Variants in ORC5 observed in about 807,000 individuals in gnomAD.
The protein encoded by ORC5 is origin recognition complex subunit 5.
ORC5 carries 39 observed loss-of-function variants against 58.8 expected under a neutral mutation model. The ratio of observed to expected loss-of-function variants is 0.66; its 90% CI spans 0.51 to 0.87. The LOEUF (loss-of-function observed/expected upper bound fraction) is 0.87. Among genes scored for constraint, ORC5 ranks in the 40% least tolerant of loss-of-function variants. ORC5 has a pLI of 0.00. For synonymous variants in ORC5, 218 were observed against 177.6 expected, an observed-to-expected ratio of 1.23 and a Z score of -1.81; for missense variants, 493 against 506.3, an observed-to-expected ratio of 0.97 and a Z score of 0.25.
At chr7:104,200,080 G>A (rs915284552) in intron 3 of ORC5, among the ~76,000 whole-genome samples, 2 of 149,472 alleles carry the variant, frequency 1.3e-5, no homozygotes, top group Middle Eastern at 3.5e-3. Context: ...GGCCTCCCCA[G>A]CCACGCTGAA....
chr7:104,151,782 A>C (rs1443951933), intron 12 of ORC5, among the ~76,000 whole-genome samples: 1 of 152,216 alleles, frequency 6.6e-6, no homozygotes, highest in Non-Finnish European at 1.5e-5. Flanking sequence ...TACACAGAGC[A>C]CTAGCGCCAA....
chr7:104,189,115 C>T (rs1377656226), intron 5 of ORC5, among the ~76,000 whole-genome samples: 2 of 152,002 alleles, frequency 1.3e-5, no homozygotes, highest in Non-Finnish European at 2.9e-5. Context: ...AGGATGGGGA[C>T]TGGTTGTCAG....
intron 12 of ORC5, among the ~76,000 whole-genome samples, chr7:104,150,566 G>C (rs551755708): frequency 3.5e-4 from 53 of 151,920 alleles, no homozygotes; most frequent in African/African-American, 1.2e-3. Flanking sequence ...AAAGGAGAGT[G>C]GTTTGCTAGT....
chr7:104,149,453 CAAAT>C (rs1439411219), intron 12 of ORC5, among the ~76,000 whole-genome samples: 1 of 152,050 alleles, frequency 6.6e-6, no homozygotes, highest in East Asian at 1.9e-4. Flanking sequence ...GAATAAAACT[CAAAT>C]GAATAAAAAA....
intron 12 of ORC5, among the ~76,000 whole-genome samples, chr7:104,156,669 A>G (rs1004524414): frequency 6.6e-6 from 1 of 151,848 alleles, no homozygotes; most frequent in Non-Finnish European, 1.5e-5. Flanking sequence ...ATCACTATAA[A>G]ATAAATTCTT....
In ORC5 at chr7:104,167,703, G is replaced by C. The variant is rs554590201; in HGVS notation, c.877+770C>G. Among the ~76,000 whole-genome samples, 24 of 152,264 alleles carry C rather than the reference G, an allele frequency of 1.6e-4. No homozygotes were observed. In the South Asian group the frequency reaches 2.3e-3, roughly 14 times the overall value. ...ACACTGTGTTAGGTGCTTTACTTAA[G>C]CATCACTTTGAATCTTTGCAGTAAT... On this transcript the variant is annotated intron_variant, in intron 9 of 13. Coordinates refer to ENST00000297431, the MANE Select transcript of ORC5 (RefSeq NM_002553.4).
Position 104,181,839 on chromosome 7 carries a change from G to A in ORC5, c.824+2104C>T, listed in dbSNP as rs140241094. On this transcript the variant is annotated intron_variant, in intron 8 of 13. Coordinates refer to ENST00000297431, the MANE Select transcript of ORC5 (RefSeq NM_002553.4). ...TGTGCACAGAATTGCCTGGTTTCAA[G>A]GATTCTCAGCCTTACAGTGAGTGAG... Among the ~76,000 whole-genome samples the A allele has an allele frequency of 4.5e-3, 686 of 151,306 alleles. 4 individuals are homozygous for A. The highest frequency in any genetic ancestry group is 0.016 in the African/African-American group (646 of 41,290).
At chr7:104,169,357 A>T (rs1799168470) in intron 8 of ORC5, among the ~76,000 whole-genome samples, 1 of 152,186 alleles carries the variant, frequency 6.6e-6, no homozygotes. Context: ...ACTTATTTGC[A>T]ATTAAAACTG....
chr7:104,155,863 G>A (rs776503366), intron 12 of ORC5, among the ~76,000 whole-genome samples: 4 of 151,048 alleles, frequency 2.6e-5, no homozygotes, highest in South Asian at 2.1e-4. Context: ...CAGATAATTC[G>A]GAAATTCCCA....
At position 104,200,792 on chromosome 7, in the gene ORC5, G is replaced by A. The variant is rs768544842; in HGVS notation, c.332C>T (p.Thr111Ile). The A allele has an allele frequency of 6.2e-7, 1 of 1,609,714 alleles. No individual in the cohort carries two copies. Among genetic ancestry groups the A allele is most frequent in the East Asian group, 2.2e-5 (1 of 44,850 alleles). ...AGTCTGATCTTTAAGATTTTCAGCT[G>A]TGGTTACTTGTTTAAACAAGCGAAC... Reference protein sequence around the residue: ...DFVRLFKQVTTAENLKDQTVY... With the variant: ...DFVRLFKQVTIAENLKDQTVY... The change falls in exon 3 of 14, where the codon ACA (threonine) becomes ATA (isoleucine). Residue 111 changes from threonine to isoleucine, a missense_variant. Thr to Ile is a moderately conservative substitution (Grantham distance 89, BLOSUM62 -1). Transcript: ENST00000297431.
rs1196190348 is a variant in ORC5, at chr7:104,138,470, C to G, written c.1150-1577G>C. Among the ~76,000 whole-genome samples, 1 of 151,692 alleles carries G rather than the reference C, an allele frequency of 6.6e-6. No individual in the cohort carries two copies. The highest frequency in any genetic ancestry group is 1.5e-5 in the Non-Finnish European group (1 of 67,936). ...GAGATAAGAAATACATCCTTCAGACCTGGGCTTAGTCTTGGTTTAAAACTT... is the reference window on the plus strand; with the variant it reads ...GAGATAAGAAATACATCCTTCAGACGTGGGCTTAGTCTTGGTTTAAAACTT... On this transcript the variant is annotated intron_variant, in intron 12 of 13. Coordinates refer to ENST00000297431, the MANE Select transcript of ORC5 (RefSeq NM_002553.4). The surrounding 1 kb of genome is among the most constrained non-coding windows in gnomAD (Gnocchi z 4.7).
chr7:104,174,996 A>C (rs1799293717), intron 8 of ORC5, among the ~76,000 whole-genome samples: 1 of 152,182 alleles, frequency 6.6e-6, no homozygotes, highest in Non-Finnish European at 1.5e-5. Context: ...TAAAAGGTCA[A>C]TGGGGCACTT....
intron 2 of ORC5, chr7:104,202,444 A>G: frequency 2.3e-6 from 1 of 434,700 alleles, no homozygotes; most frequent in Non-Finnish European, 4.6e-6. Flanking sequence ...CTTTAAGAAC[A>G]AAAGTCCACA....
At position 104,166,819 on chromosome 7, in the gene ORC5, G is replaced by A. The variant is rs1161378418; in HGVS notation, c.943C>T (p.Leu315Phe). 1 of 1,612,428 alleles carries A rather than the reference G, an allele frequency of 6.2e-7. No individual in the cohort carries two copies. ...YSKFILIAAYLASYNPARTDK... is the reference protein window; with the variant it reads ...YSKFILIAAYFASYNPARTDK... ...GTTCTTGCTGGATTGTATGAAGCAAGGTATGCAGCAATTAGAATGAACTTA... is the reference window on the plus strand; with the variant it reads ...GTTCTTGCTGGATTGTATGAAGCAAAGTATGCAGCAATTAGAATGAACTTA... The change falls in exon 10 of 14, where the codon CTT (leucine) becomes TTT (phenylalanine). Residue 315 changes from leucine (L) to phenylalanine (F), a missense_variant. Around this residue, in one of 3 missense-constraint regions of ORC5, gnomAD observed 412 missense variants for 403.7 expected, o/e 1.02. Coordinates refer to ENST00000297431, the MANE Select transcript of ORC5 (RefSeq NM_002553.4).
At chr7:104,140,570 G>C (rs1028481879) in intron 12 of ORC5, among the ~76,000 whole-genome samples, 2 of 152,140 alleles carry the variant, frequency 1.3e-5, no homozygotes, top group African/African-American at 2.4e-5. Context: ...GCAATCCTCT[G>C]AAATTTGTTG....
rs1453605609 is a variant in ORC5, at chr7:104,207,991, C to G, written c.-87G>C. 4 of 1,306,668 alleles carry G rather than the reference C, an allele frequency of 3.1e-6. No individual in the cohort carries two copies. Among genetic ancestry groups the G allele is most frequent in the Non-Finnish European group, 4.4e-6 (4 of 915,326 alleles). The allele number at this position is 1,306,668 out of a possible 1,614,324, so 80.9% of individuals were successfully genotyped here. The stretch of plus-strand genomic sequence containing the variant: ...AGCCTCTCCCGAGTCTGGCGGCCCA[C>G]GCTCCCGCCGGAAACCGGACCCGCA... On this transcript the variant is annotated 5_prime_UTR_variant, in exon 1 of 14. Coordinates refer to ENST00000297431, the MANE Select transcript of ORC5 (RefSeq NM_002553.4).
intron 9 of ORC5, chr7:104,168,146 A>G (rs1448328789): frequency 2.1e-6 from 1 of 467,706 alleles, no homozygotes; most frequent in African/African-American, 2.0e-5. Context: ...CATAAAACTC[A>G]TGAAATATAA....
chr7:104,197,508 T>C (rs1251848170), intron 4 of ORC5, among the ~76,000 whole-genome samples: 3 of 152,156 alleles, frequency 2.0e-5, no homozygotes, highest in Non-Finnish European at 4.4e-5. Flanking sequence ...ACTTCATAAT[T>C]ACAGAGAAAA....
chr7:104,149,297 A>T (rs1798808946), intron 12 of ORC5, among the ~76,000 whole-genome samples: 1 of 152,182 alleles, frequency 6.6e-6, no homozygotes, highest in African/African-American at 2.4e-5. Context: ...AAATATAAAA[A>T]TTGTGGGAAA....
Sources: allele counts gnomAD v4.1 joint callset (sites outside exome capture counted in the v4.1 genomes callset), GRCh38; gene constraint gnomAD v4.1.1; regional missense constraint gnomAD v4.1.1; non-coding constraint Gnocchi (gnomAD v3.1); transcripts MANE v1.5; gene names NCBI Gene and HGNC (gene_info 2026-07-23, HGNC 2026-07-21).